The following AGBL1 variants were observed in gnomAD, a reference collection of about 807,000 sequenced individuals.
AGBL1 encodes the protein cytosolic carboxypeptidase 4.
A neutral mutation model predicts 118.9 loss-of-function variants in AGBL1; 130 were observed. That is an observed-to-expected ratio of 1.09 (90% confidence interval 0.95 to 1.26). The LOEUF (loss-of-function observed/expected upper bound fraction) is 1.26, where lower values mean the gene tolerates loss of function less well. Among genes scored for constraint, AGBL1 ranks in the 50% most tolerant of loss-of-function variants. The pLI, the probability that AGBL1 is intolerant of heterozygous loss-of-function variation, is 0.00. For missense variants in AGBL1, 1,584 were observed against 1,298.1 expected (o/e 1.22, Z -3.38); for synonymous variants, 555 against 478.9 (o/e 1.16, Z -2.08).
At chr15:86,185,523 T>A (rs1000832084) in intron 5 of AGBL1, among the ~76,000 whole-genome samples, 2 of 152,136 alleles carry the variant, frequency 1.3e-5, no homozygotes, top group African/African-American at 4.8e-5. Context: ...CCATCAATGA[T>A]AGACTGGATT....
chr15:86,134,405 A>G (rs887249572), intron 1 of AGBL1, among the ~76,000 whole-genome samples: 1 of 152,108 alleles, frequency 6.6e-6, no homozygotes, highest in African/African-American at 2.4e-5. Context: ...ATAGAATGTT[A>G]TGGGCTTGTT....
chr15:86,254,283 T>C (rs1009930838), intron 7 of AGBL1, among the ~76,000 whole-genome samples: 2 of 152,222 alleles, frequency 1.3e-5, no homozygotes, highest in African/African-American at 4.8e-5. Flanking sequence ...ATGCATTTAA[T>C]TCACACACAA....
chr15:86,429,243 T>C (rs1219224586), intron 18 of AGBL1, among the ~76,000 whole-genome samples: 1 of 152,230 alleles, frequency 6.6e-6, no homozygotes, highest in Non-Finnish European at 1.5e-5. Flanking sequence ...CTCTCAGAAC[T>C]GGTTTAAAAC....
intron 16 of AGBL1, among the ~76,000 whole-genome samples, chr15:86,288,615 G>A (rs935554167): frequency 6.6e-6 from 1 of 152,006 alleles, no homozygotes; most frequent in Non-Finnish European, 1.5e-5. Context: ...ATAATCTAAT[G>A]AGTTTTTAAT....
chr15:86,233,356 T>C (rs1255455507), intron 6 of AGBL1, among the ~76,000 whole-genome samples: 2 of 151,920 alleles, frequency 1.3e-5, no homozygotes, highest in Non-Finnish European at 2.9e-5. Context: ...GGCGAGGAGA[T>C]TAGAAATTCT....
intron 15 of AGBL1, among the ~76,000 whole-genome samples, chr15:86,274,916 C>T (rs2079222109): frequency 6.6e-6 from 1 of 152,010 alleles, no homozygotes; most frequent in Admixed American, 6.6e-5. Flanking sequence ...CCCTGGAGCA[C>T]CTCCCACCCC....
intron 19 of AGBL1, among the ~76,000 whole-genome samples, chr15:86,529,361 A>T (rs1204254090): frequency 7.3e-6 from 1 of 136,202 alleles, no homozygotes; most frequent in East Asian, 2.0e-4. Context: ...GGTATCAACG[A>T]TGGAAGATGA....
chr15:86,775,468 C>G (rs1287928281), intron 22 of AGBL1, among the ~76,000 whole-genome samples: 2 of 152,116 alleles, frequency 1.3e-5, no homozygotes, highest in Non-Finnish European at 2.9e-5. Context: ...ATTGGTGCAT[C>G]TTAGAGTTAA....
intron 22 of AGBL1, among the ~76,000 whole-genome samples, chr15:86,721,041 T>A (rs888876379): frequency 6.6e-6 from 1 of 152,218 alleles, no homozygotes; most frequent in Non-Finnish European, 1.5e-5. Flanking sequence ...CAGGACCAGA[T>A]GGATTCACAG....
chr15:86,296,300 A>G (rs932191363), intron 17 of AGBL1: 2 of 152,218 alleles, frequency 1.3e-5, no homozygotes, highest in Non-Finnish European at 2.9e-5. Flanking sequence ...TGGAAATTAA[A>G]GAAGAAGCTG....
At chr15:86,277,611 A>T (rs2079278196) in intron 15 of AGBL1, among the ~76,000 whole-genome samples, 2 of 152,172 alleles carry the variant, frequency 1.3e-5, no homozygotes, top group Admixed American at 6.5e-5. Context: ...GAGTTTGCAT[A>T]GGCTAAATGT....
intron 23 of AGBL1, among the ~76,000 whole-genome samples, chr15:86,922,043 T>G (rs2141620866): frequency 6.6e-6 from 1 of 152,286 alleles, no homozygotes; most frequent in Admixed American, 6.5e-5. Context: ...AATTTTTCAG[T>G]CTTTCATTGA....
intron 17 of AGBL1, among the ~76,000 whole-genome samples, chr15:86,315,999 A>T (rs1292011794): frequency 6.6e-6 from 1 of 152,242 alleles, no homozygotes; most frequent in Non-Finnish European, 1.5e-5. Flanking sequence ...CAAGTTAGAG[A>T]CAGCTTTCAG....
At chr15:86,486,433 A>C (rs940519668) in intron 18 of AGBL1, among the ~76,000 whole-genome samples, 5 of 152,254 alleles carry the variant, frequency 3.3e-5, no homozygotes, top group Non-Finnish European at 5.9e-5. Flanking sequence ...TTGCTTTGTG[A>C]ATCACATCAC....
At chr15:86,731,837 G>T (rs1171969831) in intron 22 of AGBL1, among the ~76,000 whole-genome samples, 1 of 152,174 alleles carries the variant, frequency 6.6e-6, no homozygotes, top group Admixed American at 6.5e-5. Context: ...GGTGTCTTGA[G>T]GGGTAGTAAG....
chr15:86,606,557 A>G (rs1371569148), intron 21 of AGBL1, among the ~76,000 whole-genome samples: 1 of 152,180 alleles, frequency 6.6e-6, no homozygotes. Context: ...TGTTAAGAAT[A>G]AAGTGAGAGT....
intron 17 of AGBL1, among the ~76,000 whole-genome samples, chr15:86,364,958 C>CATATGTATATAT (rs2080859883): frequency 1.3e-5 from 1 of 76,138 alleles, no homozygotes; most frequent in South Asian, 4.5e-4. Context: ...ATATGTCACA[C>CATATGTATATAT]ATATATATAT....
chr15:87,017,830 G>A (rs2081622530), intron 24 of AGBL1, among the ~76,000 whole-genome samples: 1 of 152,100 alleles, frequency 6.6e-6, no homozygotes, highest in Non-Finnish European at 1.5e-5. Context: ...GCTTCAGAAG[G>A]TGGATAATAA....
chr15:86,247,011 T>TC (rs2078731419), intron 6 of AGBL1, among the ~76,000 whole-genome samples: 3 of 152,148 alleles, frequency 2.0e-5, no homozygotes, highest in Non-Finnish European at 4.4e-5. Context: ...TTTCTGAGAA[T>TC]AAGGTACAGA....
Sources: allele counts gnomAD v4.1 joint callset (sites outside exome capture counted in the v4.1 genomes callset), GRCh38; gene constraint gnomAD v4.1.1; transcripts MANE v1.5; gene names NCBI Gene and HGNC (gene_info 2026-07-23, HGNC 2026-07-21).